ADCY8: variants seen among roughly 807,000 people sequenced by gnomAD.
ADCY8 encodes adenylate cyclase type 8.
In ADCY8, 51 loss-of-function variants were observed where a neutral mutation model predicts 119.7. That is an observed-to-expected ratio of 0.43 (90% CI 0.34 to 0.54). ADCY8 has a LOEUF of 0.54. Among genes scored for constraint, ADCY8 ranks in the 20% least tolerant of loss-of-function variants. The pLI is 0.03. For synonymous variants in ADCY8, 665 were observed against 651.0 expected (o/e 1.02, Z -0.33); for missense variants, 1,383 against 1,598.8 (o/e 0.87, Z 2.30).
intron 9 of ADCY8, among the ~76,000 whole-genome samples, chr8:130,862,648 C>T (rs1469479638): frequency 6.6e-6 from 1 of 152,116 alleles, no homozygotes; most frequent in Non-Finnish European, 1.5e-5. Context: ...CTCCTGACCT[C>T]GTGATCTGCC....
Position 130,780,372 on chromosome 8 carries a change from A to AAC in ADCY8, c.*16_*17dup. 7.1e-7 allele frequency: 1 copy of AAC among 1,405,858 alleles called. No individual in the cohort carries two copies. The highest frequency in any genetic ancestry group is 9.3e-7 in the Non-Finnish European group (1 of 1,075,100). The allele number at this position is 1,405,858 out of a possible 1,614,324, so 87.1% of individuals were successfully genotyped here. A position where few individuals can be genotyped will look rare whatever the true frequency, so the allele number is the denominator to read the frequency against. ...ATATAAAAGAAATACAAAAAAAAAA[A>AAC]ACAGAAAGAAAATGCTTTTATGGCA... is the stretch of plus-strand genomic sequence containing the variant. On this transcript the variant is annotated 3_prime_UTR_variant, in exon 18 of 18. Coordinates refer to ENST00000286355, the MANE Select transcript of ADCY8 (RefSeq NM_001115.3).
chr8:130,849,161 C>A (rs1817430727), intron 10 of ADCY8, among the ~76,000 whole-genome samples: 1 of 152,114 alleles, frequency 6.6e-6, no homozygotes, highest in Non-Finnish European at 1.5e-5. Context: ...TATTTCATGT[C>A]TCTGAGCCTC....
chr8:130,960,803 A>T (rs1187168091), intron 2 of ADCY8, among the ~76,000 whole-genome samples: 1 of 152,130 alleles, frequency 6.6e-6, no homozygotes, highest in East Asian at 1.9e-4. Flanking sequence ...TGAATGTGAA[A>T]TGGGAAGACT....
intron 8 of ADCY8, among the ~76,000 whole-genome samples, chr8:130,880,869 T>G (rs1818744908): frequency 1.3e-5 from 2 of 152,162 alleles, no homozygotes; most frequent in Non-Finnish European, 2.9e-5. Flanking sequence ...TCATAGGAAA[T>G]TCACAGATTT....
chr8:130,869,180 T>G (rs1204606343), intron 8 of ADCY8, among the ~76,000 whole-genome samples: 2 of 152,218 alleles, frequency 1.3e-5, no homozygotes, highest in East Asian at 3.8e-4. Context: ...TTTTCTACTC[T>G]CCAGTATTGA....
At chr8:130,999,737 G>C (rs1822886752) in intron 1 of ADCY8, among the ~76,000 whole-genome samples, 2 of 152,208 alleles carry the variant, frequency 1.3e-5, no homozygotes, top group Admixed American at 1.3e-4. Context: ...TCTCCCCGAA[G>C]CACCCACTCA....
At chr8:130,856,104 TC>T (rs1563695372) in intron 9 of ADCY8, among the ~76,000 whole-genome samples, 2 of 151,840 alleles carry the variant, frequency 1.3e-5, no homozygotes, top group African/African-American at 4.8e-5. Context: ...CCTGGTGAGC[TC>T]CTTTAGGAGC....
chr8:131,008,140 G>A (rs1057297386), intron 1 of ADCY8, among the ~76,000 whole-genome samples: 2 of 152,150 alleles, frequency 1.3e-5, no homozygotes, highest in African/African-American at 4.8e-5. Context: ...GGGATGCAAC[G>A]TCACCCTAAT....
At chr8:130,958,176 A>C (rs1430449146) in intron 2 of ADCY8, among the ~76,000 whole-genome samples, 1 of 152,244 alleles carries the variant, frequency 6.6e-6, no homozygotes, top group African/African-American at 2.4e-5. Flanking sequence ...GACCCAGGAC[A>C]TACCCCAACG....
intron 8 of ADCY8, among the ~76,000 whole-genome samples, chr8:130,871,689 C>T (rs548246949): frequency 8.5e-5 from 13 of 152,236 alleles, no homozygotes; most frequent in East Asian, 1.9e-4. Context: ...TTGCACTCAG[C>T]GGTGACCCCA....
intron 3 of ADCY8, among the ~76,000 whole-genome samples, chr8:130,951,327 G>A (rs1417603627): frequency 6.6e-6 from 1 of 152,216 alleles, no homozygotes; most frequent in Non-Finnish European, 1.5e-5. Context: ...GTTGTCCAGT[G>A]TTGTGCTGGG....
At chr8:130,961,746 G>A (rs1273674489) in intron 2 of ADCY8, among the ~76,000 whole-genome samples, 1 of 152,144 alleles carries the variant, frequency 6.6e-6, no homozygotes, top group Non-Finnish European at 1.5e-5. Context: ...CAGTGCTTGA[G>A]AGTAGCAGGT....
At chr8:130,789,248 C>T (rs984883781) in intron 15 of ADCY8, among the ~76,000 whole-genome samples, 5 of 152,088 alleles carry the variant, frequency 3.3e-5, no homozygotes, top group Non-Finnish European at 7.4e-5. Context: ...TAAAGACATT[C>T]CCTAAACTCT....
chr8:130,968,808 A>G (rs577666785), intron 2 of ADCY8, among the ~76,000 whole-genome samples: 169 of 152,338 alleles, frequency 1.1e-3, no homozygotes, highest in Non-Finnish European at 2.1e-3. Flanking sequence ...GTCTCCTGAA[A>G]GGTATTTAGT....
Position 130,910,166 on chromosome 8 carries a change from GA to G in ADCY8, c.1482-301del, listed in dbSNP as rs1586562313. On this transcript the variant is annotated intron_variant, in intron 5 of 17. Coordinates refer to ENST00000286355, the MANE Select transcript of ADCY8 (RefSeq NM_001115.3). ...TCACTTTCAATGTCACCCCTTCCAT[GA>G]AGCCTTCTTAGGTTCTTTAATAACT... 3.3e-5 allele frequency among the ~76,000 whole-genome samples: 5 copies of G among 152,124 alleles called. No individual in the cohort carries two copies. In the East Asian group the frequency reaches 9.7e-4, roughly 29 times the overall value.
rs141774446 is a variant in ADCY8, at chr8:130,955,908, A to G, written c.1111-3910T>C. On this transcript the variant is annotated intron_variant, in intron 2 of 17. Coordinates refer to ENST00000286355, the MANE Select transcript of ADCY8 (RefSeq NM_001115.3). ...GCCTGTAATCCCAGCACTTTGGGAG[A>G]CTGAGCTGGGAAGAATGCTTGAGCA... 7.7e-3 allele frequency among the ~76,000 whole-genome samples: 1,176 copies of G among 152,248 alleles called. 20 individuals are homozygous for G. The highest frequency in any genetic ancestry group is 0.026 in the African/African-American group (1,089 of 41,522).
Position 130,919,011 on chromosome 8 carries a change from C to T in ADCY8, c.1482-9145G>A, listed in dbSNP as rs146652535. ...CCGGGAGGTGAAGGTTGCAGTGAGCCGAGATCATGCCACTGCATTCCAGCC... is the reference window on the plus strand; with the variant it reads ...CCGGGAGGTGAAGGTTGCAGTGAGCTGAGATCATGCCACTGCATTCCAGCC... On this transcript the variant is annotated intron_variant, in intron 5 of 17. Coordinates refer to ENST00000286355, the MANE Select transcript of ADCY8 (RefSeq NM_001115.3). Among the ~76,000 whole-genome samples the T allele has an allele frequency of 1.4e-3, 208 of 152,140 alleles. 1 individual carries two copies. The highest frequency in any genetic ancestry group is 4.7e-3 in the Admixed American group (72 of 15,290).
chr8:130,896,873 T>C (rs1042268907), intron 7 of ADCY8, among the ~76,000 whole-genome samples: 1 of 152,106 alleles, frequency 6.6e-6, no homozygotes, highest in African/African-American at 2.4e-5. Flanking sequence ...CTGAAGTGTA[T>C]GTGGCTCACC....
At chr8:130,880,221 G>A (rs1836631) in intron 8 of ADCY8, among the ~76,000 whole-genome samples, 2,098 of 152,128 alleles carry the variant, frequency 0.014, 61 homozygotes, top group African/African-American at 0.048. Context: ...GGACTAATAC[G>A]GTTGTGTACA....
Sources: gnomAD v4.1 joint callset for allele counts (sites outside exome capture counted in the v4.1 genomes callset) on GRCh38, gnomAD v4.1.1 for gene constraint, MANE v1.5 for transcripts, NCBI Gene and HGNC (gene_info 2026-07-23, HGNC 2026-07-21) for gene names.